The following BRSK1 variants were observed in gnomAD, a reference collection of about 807,000 sequenced individuals.
BRSK1 encodes the protein BR serine/threonine kinase 1, also known as serine/threonine-protein kinase BRSK1.
Under a neutral mutation model 86.2 loss-of-function variants are expected in BRSK1, and 17 were observed. The ratio of observed to expected loss-of-function variants is 0.20; its 90% CI spans 0.14 to 0.30. The LOEUF is 0.30. BRSK1 is among the 10% of genes least tolerant of loss of function. The pLI is 1.00. For missense variants in BRSK1, 719 were observed against 1,071.9 expected (o/e 0.67, Z 4.60); for synonymous variants, 464 against 440.1 (o/e 1.05, Z -0.68).
intron 4 of BRSK1, among the ~76,000 whole-genome samples, chr19:55,290,062 T>C (rs1287108982): frequency 6.6e-6 from 1 of 152,218 alleles, no homozygotes; most frequent in Admixed American, 6.5e-5. Context: ...TGGTGTGATC[T>C]TGGCTCACTA....
chr19:55,312,281 T>C lies in BRSK1; in HGVS notation c.*213T>C, dbSNP rs913694026. On this transcript the variant is annotated 3_prime_UTR_variant, in exon 19 of 19. Transcript: ENST00000309383. ...GGGGGAGCTGTTTCTATTTTATTTATTGATTAATTTATTATTTTATTTATT... is the reference window on the plus strand; with the variant it reads ...GGGGGAGCTGTTTCTATTTTATTTACTGATTAATTTATTATTTTATTTATT... 1.4e-5 allele frequency: 5 copies of C among 359,882 alleles called. No individual in the cohort carries two copies. Among genetic ancestry groups the C allele is most frequent in the Non-Finnish European group, 2.5e-5 (5 of 203,402 alleles). 22.3% of individuals were successfully genotyped at this position (359,882 alleles called of 1,614,324 possible).
chr19:55,292,572 G>T (rs897940291), intron 4 of BRSK1, among the ~76,000 whole-genome samples: 4 of 150,868 alleles, frequency 2.7e-5, no homozygotes, highest in African/African-American at 9.8e-5. Flanking sequence ...GGTGGCTCAC[G>T]CCTGTAATCC....
rs1288244863 is a variant in BRSK1, at chr19:55,310,403, G to A, written c.2180-1508G>A. ...AAGGTGACTCAGTGGGACCTGCACA[G>A]ATACTCCAAGATAATCCCCCAACTC... On this transcript the variant is annotated intron_variant, in intron 18 of 18. Transcript: ENST00000309383. The surrounding 1 kb of genome is among the most constrained non-coding windows in gnomAD (Gnocchi z 5.0). Among the ~76,000 whole-genome samples, 1 of 152,104 alleles carries A rather than the reference G, an allele frequency of 6.6e-6. No homozygotes were observed. Among genetic ancestry groups the A allele is most frequent in the Non-Finnish European group, 1.5e-5 (1 of 68,020 alleles).
rs574940419 is a variant in BRSK1 at position 55,312,256 on chromosome 19, G to A, written c.*188G>A. 5.2e-5 allele frequency: 21 copies of A among 403,658 alleles called. No individual in the cohort carries two copies. The South Asian group carries it at 1.3e-3, about 26-fold the overall frequency. 25.0% of individuals were successfully genotyped at this position (403,658 alleles called of 1,614,324 possible). On this transcript the variant is annotated 3_prime_UTR_variant, in exon 19 of 19. Coordinates refer to ENST00000309383, the MANE Select transcript of BRSK1 (RefSeq NM_032430.2). ...GGGTGGTTCTAGGGGAACAGGGGGC[G>A]GGGGAGCTGTTTCTATTTTATTTAT... is the stretch of plus-strand genomic sequence containing the variant.
At position 55,287,373 on chromosome 19, in the gene BRSK1, C is replaced by T; in HGVS notation, c.317+74C>T. The T allele has an allele frequency of 6.2e-6, 9 of 1,454,178 alleles. No individual in the cohort carries two copies. The highest frequency in any genetic ancestry group is 8.7e-6 in the Non-Finnish European group (9 of 1,038,962). 90.1% of individuals were successfully genotyped at this position (1,454,178 alleles called of 1,614,324 possible). On this transcript the variant is annotated intron_variant, in intron 3 of 18. Coordinates refer to ENST00000309383, the MANE Select transcript of BRSK1 (RefSeq NM_032430.2). This position sits in a 1 kb window ranked among gnomAD's most constrained non-coding sequence, Gnocchi z 5.3. ...TACCAGGGTGGGACTTCTCCAGAAA[C>T]AGGGCCTAGGGGGACCTGGGGGACC...
chr19:55,306,190 G>T lies in BRSK1; in HGVS notation c.1891-62G>T, dbSNP rs2122989610. ...GACTCGTAGTTCCTTGGCCAGAGCT[G>T]GTCGTGGGGCTGGGTATCCATTTCC... is the stretch of plus-strand genomic sequence containing the variant. On this transcript the variant is annotated intron_variant, in intron 16 of 18. Transcript: ENST00000309383. This position sits in a 1 kb window ranked among gnomAD's most constrained non-coding sequence, Gnocchi z 4.7. 7 of 1,561,836 alleles carry T rather than the reference G, an allele frequency of 4.5e-6. No homozygotes were observed. In the South Asian group the frequency reaches 6.8e-5, roughly 15 times the overall value.
At chr19:55,307,786 AC>A (rs1436705181) in intron 17 of BRSK1, among the ~76,000 whole-genome samples, 20 of 97,658 alleles carry the variant, frequency 2.0e-4, no homozygotes, top group African/African-American at 4.2e-4. Flanking sequence ...ACACACACAC[AC>A]AATTTAAAAA....
rs372613673 is a variant in BRSK1 at position 55,299,370 on chromosome 19, G to GTT, written c.679-2142_679-2141insTT. Among the ~76,000 whole-genome samples the GTT allele has an allele frequency of 1.0e-4, 13 of 126,916 alleles. No homozygotes were observed. The South Asian group carries it at 3.2e-3, about 31-fold the overall frequency. The allele number at this position is 126,916 out of a possible 152,430, so 83.3% of individuals were successfully genotyped here. A position where few individuals can be genotyped will look rare whatever the true frequency, so the allele number is the denominator to read the frequency against. ...CTGTATTGTTGTTATAATTTGTTTT[G>GTT]GTTTTTTTTTTTGTTTTGTTTTTTG... On this transcript the variant is annotated intron_variant, in intron 7 of 18. Coordinates refer to ENST00000309383, the MANE Select transcript of BRSK1 (RefSeq NM_032430.2).
At position 55,294,337 on chromosome 19, in the gene BRSK1, A is replaced by G. The variant is rs1011452467; in HGVS notation, c.618A>G (p.Lys206=). 2 of 1,613,984 alleles carry G rather than the reference A, an allele frequency of 1.2e-6. No individual in the cohort carries two copies. The highest frequency in any genetic ancestry group is 1.7e-6 in the Non-Finnish European group (2 of 1,180,036). ...CTGGCCTTCCCTTCCAGGGGGAAAA[A>G]TATGATGGCCGCCGGGCAGACATGT... ...YACPEVIKGE[K]YDGRRADMWS... is the part of the protein sequence containing the mutation. The change falls in exon 7 of 19, where the codon AAA becomes AAG. Residue 206 remains lysine (K), a synonymous_variant. Coordinates refer to ENST00000309383, the MANE Select transcript of BRSK1 (RefSeq NM_032430.2). This position sits in a 1 kb window ranked among gnomAD's most constrained non-coding sequence, Gnocchi z 4.9.
chr19:55,311,890 A>T, intron 18 of BRSK1, 21 bp from the exon 19 acceptor site: 1 of 1,609,872 alleles, frequency 6.2e-7, no homozygotes, highest in African/African-American at 1.3e-5. Flanking sequence ...AACCCACGAA[A>T]AACCTCTTCC....
Position 55,287,341 on chromosome 19 carries a change from T to A in BRSK1, c.317+42T>A. The A allele has an allele frequency of 6.3e-7, 1 of 1,588,432 alleles. No homozygotes were observed. Among genetic ancestry groups the A allele is most frequent in the East Asian group, 2.2e-5 (1 of 44,740 alleles). ...ACCCAGCCCTACCCCATCCTCCCTC[T>A]CCAGGTTACCAGGGTGGGACTTCTC... On this transcript the variant is annotated intron_variant, in intron 3 of 18. Coordinates refer to ENST00000309383, the MANE Select transcript of BRSK1 (RefSeq NM_032430.2). The surrounding 1 kb of genome is among the most constrained non-coding windows in gnomAD (Gnocchi z 5.3).
In BRSK1 at chr19:55,302,016, GC is replaced by G. The variant is rs367637405; in HGVS notation, c.826-116del. The G allele has an allele frequency of 2.5e-5, 29 of 1,160,538 alleles. No individual in the cohort carries two copies. The highest frequency in any genetic ancestry group is 1.8e-4 in the African/African-American group (12 of 65,970). The allele number at this position is 1,160,538 out of a possible 1,614,324, so 71.9% of individuals were successfully genotyped here. The stretch of plus-strand genomic sequence containing the variant: ...AGAGGGCGATGTAATATGTCATCCT[GC>G]CCCCGGTGGGGTGGGCGGGGAGATG... On this transcript the variant is annotated intron_variant, in intron 8 of 18. Coordinates refer to ENST00000309383, the MANE Select transcript of BRSK1 (RefSeq NM_032430.2). This position sits in a 1 kb window ranked among gnomAD's most constrained non-coding sequence, Gnocchi z 6.3.
At chr19:55,305,644 C>G (rs560304549) in intron 16 of BRSK1, 58 bp downstream of exon 16, 1 of 1,610,038 alleles carries the variant, frequency 6.2e-7, no homozygotes, top group Non-Finnish European at 8.5e-7. Flanking sequence ...GTCCCAGCAG[C>G]CCCTGGGGCT....
In BRSK1 at chr19:55,304,896, C is replaced by T; in HGVS notation, c.1693C>T (p.Arg565Cys). The change falls in exon 14 of 19, where the codon CGC becomes TGC. Residue 565 changes from arginine to cysteine, a missense_variant. Arg to Cys is a radical substitution (Grantham distance 180). Coordinates refer to ENST00000309383, the MANE Select transcript of BRSK1 (RefSeq NM_032430.2). The surrounding 1 kb of genome is among the most constrained non-coding windows in gnomAD (Gnocchi z 5.2). ...CCGCAACAGCTTCCTGGGCTCCCCT[C>T]GCTTTCACCGGCGCAAGATGCAGGG... ...SIRNSFLGSP[R>C]FHRRKMQVPT... The T allele has an allele frequency of 1.2e-6, 2 of 1,609,056 alleles. No homozygotes were observed. Among genetic ancestry groups the T allele is most frequent in the Non-Finnish European group, 1.7e-6 (2 of 1,179,806 alleles).
chr19:55,287,140 G>A lies in BRSK1; in HGVS notation c.231+39G>A. ...CTGCAGTGTGCCTGCGGGTGGGGGG[G>A]CCTCCGGGGCTGAGGGCAGGGGCGG... On this transcript the variant is annotated intron_variant, in intron 2 of 18. Transcript: ENST00000309383. This position sits in a 1 kb window ranked among gnomAD's most constrained non-coding sequence, Gnocchi z 5.3. 1 of 1,473,768 alleles carries A rather than the reference G, an allele frequency of 6.8e-7. No individual in the cohort carries two copies. The highest frequency in any genetic ancestry group is 1.1e-5 in the South Asian group (1 of 88,192). 91.3% of individuals were successfully genotyped at this position (1,473,768 alleles called of 1,614,324 possible). A position where few individuals can be genotyped will look rare whatever the true frequency, so the allele number is the denominator to read the frequency against.
At chr19:55,291,998 G>A (rs1352905807) in intron 4 of BRSK1, among the ~76,000 whole-genome samples, 2 of 152,118 alleles carry the variant, frequency 1.3e-5, no homozygotes. Context: ...GACCTCAGGT[G>A]ATCCACCCAC....
Position 55,303,150 on chromosome 19 carries a change from G to A in BRSK1, c.1029-161G>A, listed in dbSNP as rs2088597161. The A allele has an allele frequency of 1.5e-6, 1 of 657,554 alleles. No individual in the cohort carries two copies. The highest frequency in any genetic ancestry group is 2.7e-5 in the East Asian group (1 of 36,820). 40.7% of individuals were successfully genotyped at this position (657,554 alleles called of 1,614,324 possible). On this transcript the variant is annotated intron_variant, in intron 10 of 18. Transcript: ENST00000309383. This position sits in a 1 kb window ranked among gnomAD's most constrained non-coding sequence, Gnocchi z 5.1. ...TGTTATTATAATTGAGTGAAACACA[G>A]CTGAGATGTACCCTAAACCAGAGAA...
At chr19:55,288,081 C>G (rs1005048600) in intron 3 of BRSK1, 1 of 152,758 alleles carries the variant, frequency 6.5e-6, no homozygotes, top group African/African-American at 2.4e-5. Context: ...GGCTATTGTC[C>G]GGACCGGTGC....
intron 17 of BRSK1, among the ~76,000 whole-genome samples, chr19:55,308,206 A>C (rs1037538886): frequency 2.1e-5 from 3 of 141,456 alleles, no homozygotes; most frequent in African/African-American, 8.7e-5. Context: ...TTTTTAGTAA[A>C]GACAGGGTTT....
Sources: gnomAD v4.1 joint callset for allele counts (sites outside exome capture counted in the v4.1 genomes callset) on GRCh38, gnomAD v4.1.1 for gene constraint, Gnocchi (gnomAD v3.1) non-coding constraint, MANE v1.5 for transcripts, NCBI Gene and HGNC (gene_info 2026-07-23, HGNC 2026-07-21) for gene names.